Variants in VGLL3 observed in about 807,000 individuals in gnomAD.
VGLL3 encodes the protein transcription cofactor vestigial-like protein 3.
A neutral mutation model predicts 29.2 loss-of-function variants in VGLL3; 18 were observed. The observed-to-expected ratio is 0.62, with a 90% CI of 0.43 to 0.91. VGLL3 has a LOEUF of 0.91. VGLL3 is among the 40% of genes least tolerant of loss of function. VGLL3 has a pLI of 0.00. For missense variants in VGLL3, 440 were observed against 413.2 expected (o/e 1.06, Z -0.56); for synonymous variants, 180 against 151.8 (o/e 1.19, Z -1.36).
At chr3:86,970,208 A>T (rs915187847) in intron 2 of VGLL3, among the ~76,000 whole-genome samples, 1 of 152,178 alleles carries the variant, frequency 6.6e-6, no homozygotes, top group Admixed American at 6.5e-5. Context: ...TCGTAATAAC[A>T]CATTTATACA....
intron 2 of VGLL3, among the ~76,000 whole-genome samples, chr3:86,969,945 G>A (rs932434649): frequency 8.5e-5 from 13 of 152,102 alleles, no homozygotes; most frequent in Non-Finnish European, 1.3e-4. Flanking sequence ...AGGCTTTGAA[G>A]CCAGGTGGCC....
At chr3:86,961,683 C>A (rs1476743406) in intron 3 of VGLL3, among the ~76,000 whole-genome samples, 1 of 152,152 alleles carries the variant, frequency 6.6e-6, no homozygotes, top group Non-Finnish European at 1.5e-5. Context: ...CATCCTGTGA[C>A]CCTCCCTTAT....
intron 1 of VGLL3, among the ~76,000 whole-genome samples, chr3:86,980,975 T>A (rs1386785557): frequency 6.6e-6 from 1 of 152,324 alleles, no homozygotes; most frequent in East Asian, 1.9e-4. Context: ...AGTGGGGCTT[T>A]GCATATAAAT....
intron 3 of VGLL3, among the ~76,000 whole-genome samples, chr3:86,960,729 T>C (rs1575865308): frequency 6.6e-6 from 1 of 152,134 alleles, no homozygotes. Context: ...ATGAACCAGA[T>C]AGTGTTTAAT....
At chr3:86,960,685 C>A (rs895751423) in intron 3 of VGLL3, among the ~76,000 whole-genome samples, 1 of 152,114 alleles carries the variant, frequency 6.6e-6, no homozygotes, top group South Asian at 2.1e-4. Flanking sequence ...GTCTTGATTT[C>A]ACTTGTATCT....
intron 3 of VGLL3, chr3:86,962,100 G>A: frequency 1.0e-6 from 1 of 985,114 alleles, no homozygotes; most frequent in African/African-American, 1.7e-5. Context: ...TCAGTTTAAA[G>A]ACTGATAAAG....
In VGLL3 at chr3:86,938,835, T is replaced by G. The variant is rs1704330649; in HGVS notation, c.*8189A>C. On this transcript the variant is annotated 3_prime_UTR_variant, in exon 4 of 4. Transcript: ENST00000398399. ...CGTCAATGTGGTCATATTTAGCTATTTAGTCAAATGTGTATAAGCAGGTCA... is the reference window on the plus strand; with the variant it reads ...CGTCAATGTGGTCATATTTAGCTATGTAGTCAAATGTGTATAAGCAGGTCA... The G allele has an allele frequency of 6.6e-6, 1 of 152,240 alleles. No homozygotes were observed. The highest frequency in any genetic ancestry group is 1.5e-5 in the Non-Finnish European group (1 of 68,046). 9.4% of individuals were successfully genotyped at this position (152,240 alleles called of 1,614,324 possible).
chr3:86,948,580 TAATA>T (rs1704551447), intron 3 of VGLL3, among the ~76,000 whole-genome samples: 1 of 97,642 alleles, frequency 1.0e-5, no homozygotes, highest in African/African-American at 3.4e-5. Flanking sequence ...AGTATAATAA[TAATA>T]AATTAATTAA....
chr3:86,964,809 G>A (rs1038845312), intron 3 of VGLL3, among the ~76,000 whole-genome samples: 2 of 152,102 alleles, frequency 1.3e-5, no homozygotes, highest in Non-Finnish European at 2.9e-5. Flanking sequence ...ACAGTGTATG[G>A]TATTTTATTA....
chr3:86,988,640 CAAAAAAAAAAAAAAAAAAAAAAAAAA>C (rs869098443), intron 1 of VGLL3, among the ~76,000 whole-genome samples: 51 of 13,764 alleles, frequency 3.7e-3, no homozygotes, highest in Admixed American at 5.8e-3. Flanking sequence ...TTTACTTGAC[CAAAAAAAAAAAAAAAAAAAAAAAAAA>C]AAAAAAAAAA....
chr3:86,984,914 T>A, intron 1 of VGLL3, among the ~76,000 whole-genome samples: 1 of 152,104 alleles, frequency 6.6e-6, no homozygotes. Context: ...GTAAGAAAAT[T>A]CAAAAGATAA....
chr3:86,954,364 C>A (rs1704675054), intron 3 of VGLL3, among the ~76,000 whole-genome samples: 1 of 152,206 alleles, frequency 6.6e-6, no homozygotes, highest in Non-Finnish European at 1.5e-5. Flanking sequence ...CAGACCCAGA[C>A]AGCAAGCCAC....
rs546887843 is a variant in VGLL3 at position 86,947,647 on chromosome 3, C to A, written c.938-580G>T. 5.3e-5 allele frequency among the ~76,000 whole-genome samples: 8 copies of A among 152,188 alleles called. No homozygotes were observed. In the South Asian group the frequency reaches 1.7e-3, roughly 32 times the overall value. ...ATAACTAACAGTCCAGACCTATATT[C>A]TATTTATTAATTTACTTATTTTATC... is the stretch of plus-strand genomic sequence containing the variant. On this transcript the variant is annotated intron_variant, in intron 3 of 3. Coordinates refer to ENST00000398399, the MANE Select transcript of VGLL3 (RefSeq NM_016206.4).
At chr3:86,964,101 AAAG>A (rs1299059142) in intron 3 of VGLL3, among the ~76,000 whole-genome samples, 3 of 152,196 alleles carry the variant, frequency 2.0e-5, no homozygotes, top group Non-Finnish European at 2.9e-5. Context: ...GGTTGGAAGA[AAAG>A]AAGAAAAAAA....
intron 2 of VGLL3, among the ~76,000 whole-genome samples, chr3:86,972,631 G>C (rs977554146): frequency 1.3e-5 from 2 of 152,078 alleles, no homozygotes; most frequent in African/African-American, 4.8e-5. Context: ...ACATTTGTTG[G>C]ATGAAGAAGA....
At position 86,947,026 on chromosome 3, in the gene VGLL3, A is replaced by G; in HGVS notation, c.979T>C (p.Ter327ArgextTer5). Residue 327 changes from the stop codon to arginine (R), a stop_lost, in exon 4 of 4, where the codon TGA (stop) becomes CGA (arginine). Transcript: ENST00000398399. Reference protein sequence around the residue: ...QDKSKESPWY* With the variant: ...QDKSKESPWYR ...TTAACTCACTAAGATTGTGTGTTTCAGTACCACGGTGATTCCTTACTCTTG... is the reference window on the plus strand; with the variant it reads ...TTAACTCACTAAGATTGTGTGTTTCGGTACCACGGTGATTCCTTACTCTTG... 1 of 780,516 alleles carries G rather than the reference A, an allele frequency of 1.3e-6. No individual in the cohort carries two copies. Among genetic ancestry groups the G allele is most frequent in the Non-Finnish European group, 2.4e-6 (1 of 417,784 alleles). The allele number at this position is 780,516 out of a possible 1,614,324, so 48.3% of individuals were successfully genotyped here. A position where few individuals can be genotyped will look rare whatever the true frequency, so the allele number is the denominator to read the frequency against.
intron 1 of VGLL3, among the ~76,000 whole-genome samples, chr3:86,990,146 C>G (rs1705549058): frequency 6.6e-6 from 1 of 152,152 alleles, no homozygotes; most frequent in African/African-American, 2.4e-5. Flanking sequence ...GACCAGTGTT[C>G]CCCCATGAAA....
chr3:86,978,856 C>T, intron 1 of VGLL3, 54 bp from the exon 2 acceptor site: 1 of 1,498,578 alleles, frequency 6.7e-7, no homozygotes, highest in Non-Finnish European at 8.9e-7. Context: ...GAAAAGCATT[C>T]ACTAGTTAAG....
intron 3 of VGLL3, among the ~76,000 whole-genome samples, chr3:86,951,090 A>G (rs1704608299): frequency 6.6e-6 from 1 of 152,144 alleles, no homozygotes; most frequent in Non-Finnish European, 1.5e-5. Flanking sequence ...AAAACATAAA[A>G]AAAAAGACAC....
Sources: gnomAD v4.1 joint callset for allele counts (sites outside exome capture counted in the v4.1 genomes callset) on GRCh38, gnomAD v4.1.1 for gene constraint, MANE v1.5 for transcripts, NCBI Gene and HGNC (gene_info 2026-07-23, HGNC 2026-07-21) for gene names.